BCORL1: variants seen among roughly 807,000 people sequenced by gnomAD.
The protein encoded by BCORL1 is BCL6 corepressor like 1, also known as BCL-6 corepressor-like protein 1.
Under a neutral mutation model 87.6 loss-of-function variants are expected in BCORL1, and 7 were observed. The ratio of observed to expected loss-of-function variants is 0.08; its 90% CI spans 0.05 to 0.15. The LOEUF (loss-of-function observed/expected upper bound fraction) is 0.15. BCORL1 is among the 10% of genes least tolerant of loss of function. The pLI is 1.00. For synonymous variants in BCORL1, 591 were observed against 634.4 expected, an observed-to-expected ratio of 0.93 and a Z score of 1.03; for missense variants, 1,215 against 1,499.7, an observed-to-expected ratio of 0.81 and a Z score of 3.13.
chrX:130,004,370 G>A (rs777434430), intron 1 of BCORL1, among the ~76,000 whole-genome samples: 1 of 105,586 alleles, frequency 9.5e-6, no homozygotes, highest in Admixed American at 1.0e-4. Context: ...TCAACCTCCC[G>A]AGTAGCTGGG....
Position 129,991,651 on chromosome X carries a change from CTTTTTTTTTTT to C in BCORL1, c.-45+8903_-45+8913del, listed in dbSNP as rs112594609. On this transcript the variant is annotated intron_variant, in intron 1 of 13. Coordinates refer to ENST00000540052, the MANE Select transcript of BCORL1 (RefSeq NM_001379451.1). ...GCCACTGTGCCCGGCAGAAAATATT[CTTTTTTTTTTT>C]TTTTTTTTTTTTTGAGACAGAGTCT... Among the ~76,000 whole-genome samples the C allele has an allele frequency of 6.1e-3, 288 of 47,545 alleles. 3 individuals carry two copies. Among genetic ancestry groups the C allele is most frequent in the African/African-American group, 0.026 (270 of 10,282 alleles). 41.3% of individuals were successfully genotyped at this position (47,545 alleles called of 115,157 possible). A position where few individuals can be genotyped will look rare whatever the true frequency, so the allele number is the denominator to read the frequency against.
At chrX:130,026,215 C>G (rs1239903296) in intron 7 of BCORL1, among the ~76,000 whole-genome samples, 1 of 112,187 alleles carries the variant, frequency 8.9e-6, no homozygotes, top group Admixed American at 9.5e-5. Context: ...AATTGATTGC[C>G]TCCTATGATG....
intron 1 of BCORL1, among the ~76,000 whole-genome samples, chrX:129,995,387 A>G (rs1248124870): frequency 1.8e-5 from 2 of 111,154 alleles, no homozygotes; most frequent in Non-Finnish European, 1.9e-5. Flanking sequence ...GGGGGTAAAG[A>G]TTGAGGAGAA....
chrX:130,012,039 G>T (rs1420344305), intron 2 of BCORL1, among the ~76,000 whole-genome samples: 2 of 112,168 alleles, frequency 1.8e-5, no homozygotes, highest in Non-Finnish European at 3.8e-5. Context: ...GACAGGAGGT[G>T]AATAGGTGAC....
chrX:130,024,770 T>A (rs1039611959), intron 6 of BCORL1, among the ~76,000 whole-genome samples: 11 of 111,492 alleles, frequency 9.9e-5, no homozygotes, highest in African/African-American at 3.6e-4. Context: ...TATTTGAGCC[T>A]CAAAACAGCC....
At chrX:130,039,067 G>T in intron 10 of BCORL1, 70 bp from the exon 11 acceptor site, 1 of 1,137,033 alleles carries the variant, frequency 8.8e-7, no homozygotes, top group Non-Finnish European at 1.2e-6. Flanking sequence ...CCCTGATGCA[G>T]TAGCCTTAAG....
chrX:130,047,535 TG>T (rs1931829716), intron 11 of BCORL1, among the ~76,000 whole-genome samples: 1 of 112,051 alleles, frequency 8.9e-6, no homozygotes, highest in Non-Finnish European at 1.9e-5. Flanking sequence ...TGACAAAGAT[TG>T]GTAGTCAGTG....
rs767197381 is a variant in BCORL1 at position 130,013,367 on chromosome X, C to T, written c.595C>T (p.Leu199=). The change falls in exon 4 of 14, where the codon CTG becomes TTG. Residue 199 remains leucine, a synonymous_variant. Transcript: ENST00000540052. ...CCTGGTTACCACTAACTTCAGTCCTCTGCCAGCCCCTATCTGTCCCCCTGC... is the reference window on the plus strand; with the variant it reads ...CCTGGTTACCACTAACTTCAGTCCTTTGCCAGCCCCTATCTGTCCCCCTGC... ...LPLVTTNFSP[L]PAPICPPAPG... 9.1e-6 allele frequency: 11 copies of T among 1,211,204 alleles called. No individual in the cohort carries two copies. Among genetic ancestry groups the T allele is most frequent in the Non-Finnish European group, 1.2e-5 (11 of 895,075 alleles).
At chrX:130,019,295 C>T (rs1432963775) in intron 4 of BCORL1, among the ~76,000 whole-genome samples, 1 of 112,118 alleles carries the variant, frequency 8.9e-6, no homozygotes, top group African/African-American at 3.2e-5. Context: ...TTTTTGTCTT[C>T]GGAAGTAAAA....
chrX:130,013,149 C>T lies in BCORL1; in HGVS notation c.377C>T (p.Ala126Val). Residue 126 changes from alanine to valine, a missense_variant, in exon 4 of 14, where the codon GCA (alanine) becomes GTA (valine). By Grantham distance (64) the Ala-to-Val change is moderately conservative (BLOSUM62 0). Transcript: ENST00000540052. Reference sequence around the variant, plus strand: ...CCAGGAGACGGGCTCAAGCTTCCCGCATCTGACAGCGCCGAGGCCAGCAAC... The same window carrying T: ...CCAGGAGACGGGCTCAAGCTTCCCGTATCTGACAGCGCCGAGGCCAGCAAC... ...SSPGDGLKLPASDSAEASNSR... is the reference protein window; with the variant it reads ...SSPGDGLKLPVSDSAEASNSR... 8.3e-7 allele frequency: 1 copy of T among 1,211,443 alleles called. No individual in the cohort carries two copies. The highest frequency in any genetic ancestry group is 1.1e-6 in the Non-Finnish European group (1 of 895,038).
At chrX:130,043,695 C>T (rs1401314749) in intron 11 of BCORL1, among the ~76,000 whole-genome samples, 1 of 97,462 alleles carries the variant, frequency 1.0e-5, no homozygotes, top group African/African-American at 3.8e-5. Flanking sequence ...TTGTCTCAGC[C>T]TCCCCACTAG....
intron 2 of BCORL1, among the ~76,000 whole-genome samples, chrX:130,008,350 G>A (rs762834419): frequency 9.2e-6 from 1 of 108,408 alleles, no homozygotes; most frequent in Non-Finnish European, 1.9e-5. Flanking sequence ...CGCAACCTCC[G>A]CCTCCCGGGT....
intron 9 of BCORL1, among the ~76,000 whole-genome samples, chrX:130,035,157 G>GCTCAAT (rs769673015): frequency 8.9e-6 from 1 of 111,915 alleles, no homozygotes; most frequent in Non-Finnish European, 1.9e-5. Context: ...GGCATTTATT[G>GCTCAAT]AGCACTTCTT....
chrX:130,048,049 G>A (rs1222630079), intron 11 of BCORL1, among the ~76,000 whole-genome samples: 1 of 112,009 alleles, frequency 8.9e-6, no homozygotes, highest in African/African-American at 3.2e-5. Context: ...AAGATCTAAT[G>A]TGCATGACTA....
At chrX:130,012,485 G>A (rs945400940) in intron 2 of BCORL1, 93 bp from the exon 3 acceptor site, 6 of 715,747 alleles carry the variant, frequency 8.4e-6, no homozygotes, top group Non-Finnish European at 1.3e-5. Flanking sequence ...GGTTTTATGG[G>A]GACCCAGGCA....
intron 6 of BCORL1, among the ~76,000 whole-genome samples, chrX:130,024,379 G>C (rs1372486494): frequency 1.8e-5 from 2 of 111,219 alleles, no homozygotes; most frequent in Non-Finnish European, 3.8e-5. Context: ...GGGTGCATTT[G>C]GGCGTGACCC....
upstream of BCORL1, among the ~76,000 whole-genome samples, chrX:129,980,657 C>G (rs932361820): frequency 8.1e-5 from 9 of 111,315 alleles, no homozygotes; most frequent in East Asian, 2.3e-3. Flanking sequence ...GGGTGGGTGG[C>G]CGTACACCGG....
chrX:130,005,457 TGGGATG>T, intron 2 of BCORL1, 140 bp downstream of exon 2: 2 of 563,124 alleles, frequency 3.6e-6, no homozygotes, highest in Non-Finnish European at 5.8e-6. Flanking sequence ...TTTCCTGTGG[TGGGATG>T]GGGATGGGGC....
At chrX:130,044,893 T>A (rs190910182) in intron 11 of BCORL1, among the ~76,000 whole-genome samples, 2 of 112,836 alleles carry the variant, frequency 1.8e-5, no homozygotes, top group Admixed American at 1.9e-4. Flanking sequence ...AGATAGATAA[T>A]TCATCTGGGT....
Sources: allele counts gnomAD v4.1 joint callset (sites outside exome capture counted in the v4.1 genomes callset), GRCh38; gene constraint gnomAD v4.1.1; transcripts MANE v1.5; gene names NCBI Gene and HGNC (gene_info 2026-07-23, HGNC 2026-07-21).